The following RTN4 variants were observed in gnomAD, a reference collection of about 807,000 sequenced individuals.
RTN4 encodes reticulon-4.
Under a neutral mutation model 90.4 loss-of-function variants are expected in RTN4, and 32 were observed. The observed-to-expected ratio is 0.35, with a 90% CI of 0.27 to 0.48. RTN4 has a LOEUF of 0.48. Ranked by LOEUF, RTN4 falls within the 20% of genes least tolerant of loss-of-function variation. The probability of loss-of-function intolerance (pLI) is 0.99; values close to 1 mark genes in which losing one functional copy is unlikely to be tolerated. For synonymous variants in RTN4, 629 were observed against 552.5 expected, an observed-to-expected ratio of 1.14 and a Z score of -1.94; for missense variants, 1,706 against 1,430.2, an observed-to-expected ratio of 1.19 and a Z score of -3.11.
intron 2 of RTN4, among the ~76,000 whole-genome samples, chr2:55,062,469 T>C (rs191889564): frequency 5.3e-5 from 8 of 152,272 alleles, no homozygotes; most frequent in African/African-American, 9.6e-5. Flanking sequence ...CCCTAGAGGT[T>C]TGAGCAGCGG....
chr2:55,082,283 C>T (rs1010616532), intron 1 of RTN4, among the ~76,000 whole-genome samples: 2 of 152,164 alleles, frequency 1.3e-5, no homozygotes, highest in Admixed American at 1.3e-4. Context: ...TAGAAACGAT[C>T]ATATATCACC....
upstream of RTN4, among the ~76,000 whole-genome samples, chr2:55,114,596 G>A (rs1573526480): frequency 6.6e-6 from 1 of 152,214 alleles, no homozygotes; most frequent in Admixed American, 6.5e-5. Context: ...CTACTTGGGA[G>A]GCTGAGGCAG....
intron 1 of RTN4, among the ~76,000 whole-genome samples, chr2:55,104,487 A>G (rs2105060153): frequency 6.6e-6 from 1 of 152,058 alleles, no homozygotes; most frequent in Non-Finnish European, 1.5e-5. Context: ...AGTATCTGGG[A>G]CTACAGGCGC....
intron 1 of RTN4, among the ~76,000 whole-genome samples, chr2:55,090,746 C>A (rs1668921446): frequency 6.6e-6 from 1 of 152,142 alleles, no homozygotes; most frequent in Non-Finnish European, 1.5e-5. Context: ...TCTTAGATAT[C>A]TAATAAGTAA....
chr2:55,034,555 A>G (rs1194110464), intron 1 of RTN4, among the ~76,000 whole-genome samples: 2 of 152,208 alleles, frequency 1.3e-5, no homozygotes, highest in African/African-American at 4.8e-5. Flanking sequence ...AGGTATCTTC[A>G]GATAAAAGCT....
At chr2:55,073,434 C>T (rs2105019521) in intron 2 of RTN4, among the ~76,000 whole-genome samples, 1 of 152,296 alleles carries the variant, frequency 6.6e-6, no homozygotes, top group Middle Eastern at 3.4e-3. Context: ...AGCAGTAATT[C>T]AATTTTTATG....
At chr2:54,979,991 G>A (rs1036887231) in intron 5 of RTN4, among the ~76,000 whole-genome samples, 1 of 152,100 alleles carries the variant, frequency 6.6e-6, no homozygotes, top group African/African-American at 2.4e-5. Flanking sequence ...TAATTTTAAT[G>A]AAAGTCCTTT....
chr2:54,974,884 G>A, intron 5 of RTN4, 120 bp from the exon 6 acceptor site: 1 of 743,724 alleles, frequency 1.3e-6, no homozygotes, highest in Non-Finnish European at 2.3e-6. Flanking sequence ...TGAAGACTGG[G>A]TAAAGTACCA....
intron 5 of RTN4, among the ~76,000 whole-genome samples, chr2:54,979,031 C>T (rs1157747642): frequency 6.6e-6 from 1 of 151,482 alleles, no homozygotes; most frequent in African/African-American, 2.4e-5. Flanking sequence ...TATTAAGGAA[C>T]TTAAGATTAA....
chr2:55,029,946 A>C (rs920513555), intron 1 of RTN4, among the ~76,000 whole-genome samples: 1 of 152,216 alleles, frequency 6.6e-6, no homozygotes, highest in African/African-American at 2.4e-5. Flanking sequence ...AGCTAAAATA[A>C]TGAATTATTA....
chr2:55,015,718 A>G (rs1680983967), intron 3 of RTN4, among the ~76,000 whole-genome samples: 1 of 152,266 alleles, frequency 6.6e-6, no homozygotes, highest in African/African-American at 2.4e-5. Flanking sequence ...AAGAATATTT[A>G]AGGAACGAGT....
chr2:54,973,490 A>G, intron 8 of RTN4, 73 bp downstream of exon 8: 1 of 1,158,106 alleles, frequency 8.6e-7, no homozygotes, highest in Non-Finnish European at 1.3e-6. Context: ...TTATGCCTGC[A>G]ATATGAAAAT....
At chr2:55,007,945 TATTTTAAGCTCCTAAAAATC>T in intron 3 of RTN4, among the ~76,000 whole-genome samples, 1 of 152,118 alleles carries the variant, frequency 6.6e-6, no homozygotes, top group African/African-American at 2.4e-5. Context: ...CATTCCTTCC[TATTTTAAGCTCCTAAAAATC>T]TTTTGACTAC....
chr2:55,037,969 T>C (rs894406645), intron 1 of RTN4, among the ~76,000 whole-genome samples: 2 of 152,146 alleles, frequency 1.3e-5, no homozygotes, highest in Non-Finnish European at 2.9e-5. Flanking sequence ...TATATATAAA[T>C]AGACACACTT....
intron 1 of RTN4, among the ~76,000 whole-genome samples, chr2:55,100,175 T>A (rs540992791): frequency 3.7e-4 from 56 of 152,222 alleles, no homozygotes; most frequent in African/African-American, 1.3e-3. Context: ...ACTTTCTGCT[T>A]TTTATACTTG....
At position 55,099,182 on chromosome 2, in the gene RTN4, A is replaced by C. The variant is rs145204992; in HGVS notation, c.-214+13338T>G. Among the ~76,000 whole-genome samples, 548 of 152,240 alleles carry C rather than the reference A, an allele frequency of 3.6e-3. 9 individuals carry two copies. Among genetic ancestry groups the C allele is most frequent in the African/African-American group, 0.012 (517 of 41,506 alleles). ...ATTTAGTTACTGGGGCATACAGTTC[A>C]TATAAGGAAGGCAGAAAAAAATGGT... On this transcript the variant is annotated intron_variant, in intron 1 of 3. Coordinates refer to the RTN4 transcript ENST00000427710.
At chr2:55,010,420 T>C in intron 3 of RTN4, 1 of 1,140,618 alleles carries the variant, frequency 8.8e-7, no homozygotes, top group Non-Finnish European at 1.1e-6. Context: ...TGGAGCTGCA[T>C]TTGCAGGGAG....
chr2:54,992,211 C>T (rs1558775723), intron 3 of RTN4, among the ~76,000 whole-genome samples: 1 of 152,134 alleles, frequency 6.6e-6, no homozygotes, highest in African/African-American at 2.4e-5. Flanking sequence ...TGAAACCCAG[C>T]TCCTACATGA....
intron 1 of RTN4, among the ~76,000 whole-genome samples, chr2:55,047,327 CAA>C (rs71799240): frequency 0.089 from 9,784 of 109,646 alleles, 380 homozygotes; most frequent in South Asian, 0.19. Flanking sequence ...GAGACTATCT[CAA>C]AAAAAAAAAA....
Sources: allele counts gnomAD v4.1 joint callset (sites outside exome capture counted in the v4.1 genomes callset), GRCh38; gene constraint gnomAD v4.1.1; transcripts MANE v1.5; gene names NCBI Gene and HGNC (gene_info 2026-07-23, HGNC 2026-07-21).